AFF1: variants seen among roughly 807,000 people sequenced by gnomAD.
AFF1 encodes the protein AF4/FMR2 family member 1.
A neutral mutation model predicts 121.7 loss-of-function variants in AFF1; 48 were observed. That is an observed-to-expected ratio of 0.39 (90% CI 0.31 to 0.50). The LOEUF (loss-of-function observed/expected upper bound fraction) is 0.50, where lower values mean the gene tolerates loss of function less well. Among genes scored for constraint, AFF1 ranks in the 20% least tolerant of loss-of-function variants. The pLI, the probability that AFF1 is intolerant of heterozygous loss-of-function variation, is 0.76. For missense variants in AFF1, 1,523 were observed against 1,511.7 expected (o/e 1.01, Z -0.12); for synonymous variants, 613 against 563.0 (o/e 1.09, Z -1.26).
At chr4:87,079,138 C>G (rs1325226572) in intron 4 of AFF1, among the ~76,000 whole-genome samples, 1 of 148,642 alleles carries the variant, frequency 6.7e-6, no homozygotes, top group Non-Finnish European at 1.5e-5. Flanking sequence ...TGCCTTTGTG[C>G]TCTCTCTATT....
At chr4:87,030,744 C>G (rs1728993046) in intron 2 of AFF1, among the ~76,000 whole-genome samples, 1 of 151,482 alleles carries the variant, frequency 6.6e-6, no homozygotes, top group Non-Finnish European at 1.5e-5. Context: ...AGTGTAAAAT[C>G]ATTTGAATTA....
At chr4:87,096,294 T>G (rs1002247322) in intron 8 of AFF1, among the ~76,000 whole-genome samples, 4 of 136,254 alleles carry the variant, frequency 2.9e-5, no homozygotes, top group African/African-American at 1.1e-4. Flanking sequence ...CCTTTTGTTA[T>G]TCCCTTTTTT....
At chr4:86,973,580 T>A (rs1457349892) in intron 2 of AFF1, among the ~76,000 whole-genome samples, 1 of 152,180 alleles carries the variant, frequency 6.6e-6, no homozygotes, top group Non-Finnish European at 1.5e-5. Context: ...TCTTTTTCCT[T>A]ATTTATTTCT....
rs1296037814 is a variant in AFF1 at position 87,046,944 on chromosome 4, A to G, written c.409A>G (p.Ser137Gly). 1 of 1,614,204 alleles carries G rather than the reference A, an allele frequency of 6.2e-7. No homozygotes were observed. The highest frequency in any genetic ancestry group is 2.2e-5 in the East Asian group (1 of 44,880). ...TGGACCACTTTCTGTTGGCAACATT[A>G]GCCACAATCCAAAGATGGCGCAGCC... The part of the protein sequence containing the change: ...ASGPLSVGNI[S>G]HNPKMAQPRT... The change falls in exon 4 of 21, where the codon AGC (serine) becomes GGC (glycine). Residue 137 changes from serine to glycine, a missense_variant. By Grantham distance (56) the Ser-to-Gly change is moderately conservative (BLOSUM62 0). Coordinates refer to ENST00000395146, the MANE Select transcript of AFF1 (RefSeq NM_001166693.3).
At chr4:87,002,432 T>TG (rs1458806713) in intron 2 of AFF1, among the ~76,000 whole-genome samples, 4 of 143,186 alleles carry the variant, frequency 2.8e-5, no homozygotes, top group East Asian at 2.0e-4. Flanking sequence ...GAAGTTTTTT[T>TG]TTTTTTTTTT....
intron 2 of AFF1, among the ~76,000 whole-genome samples, chr4:87,002,748 T>A (rs1725825395): frequency 6.6e-6 from 1 of 152,066 alleles, no homozygotes; most frequent in Admixed American, 6.5e-5. Flanking sequence ...TCCTTATTTG[T>A]AGGGTAAATT....
intron 2 of AFF1, among the ~76,000 whole-genome samples, chr4:86,958,235 A>G (rs1721898756): frequency 6.6e-6 from 1 of 151,640 alleles, no homozygotes; most frequent in South Asian, 2.1e-4. Context: ...CTGAGATTAC[A>G]GGTGCACATC....
intron 4 of AFF1, among the ~76,000 whole-genome samples, chr4:87,052,379 C>G (rs1731355452): frequency 6.6e-6 from 1 of 152,132 alleles, no homozygotes; most frequent in African/African-American, 2.4e-5. Flanking sequence ...TGCCACTGAA[C>G]TCCAGCCTGA....
intron 2 of AFF1, among the ~76,000 whole-genome samples, chr4:86,991,449 A>C (rs1488758004): frequency 1.5e-4 from 4 of 26,008 alleles, no homozygotes; most frequent in Admixed American, 1.2e-3. Flanking sequence ...CATCTCCAAA[A>C]AAAAAAAAAA....
intron 11 of AFF1, among the ~76,000 whole-genome samples, chr4:87,109,384 C>G (rs1726241889): frequency 6.6e-6 from 1 of 152,168 alleles, no homozygotes; most frequent in African/African-American, 2.4e-5. Context: ...ATGTCTGGCG[C>G]AGAAAATAAG....
chr4:87,011,778 G>A (rs951785881), intron 2 of AFF1, among the ~76,000 whole-genome samples: 5 of 152,192 alleles, frequency 3.3e-5, no homozygotes, highest in Non-Finnish European at 7.3e-5. Flanking sequence ...GCCCAGTTGA[G>A]CTTCCTGACT....
At chr4:86,991,087 G>C (rs759265368) in intron 2 of AFF1, among the ~76,000 whole-genome samples, 21 of 151,648 alleles carry the variant, frequency 1.4e-4, no homozygotes, top group Non-Finnish European at 2.2e-4. Flanking sequence ...AGGAGGTGGA[G>C]GTTGCAGTGA....
chr4:87,049,698 C>T (rs1251872611), intron 4 of AFF1: 7 of 456,114 alleles, frequency 1.5e-5, no homozygotes, highest in Admixed American at 2.4e-5. Context: ...GGTCTCGGCC[C>T]GAGTTCTCAT....
rs57615388 is a variant in AFF1 at position 87,000,605 on chromosome 4, C to CTGTGTGTGTGTGTGTG, written c.39-45540_39-45525dup. 2.8e-3 allele frequency among the ~76,000 whole-genome samples: 413 copies of CTGTGTGTGTGTGTGTG among 146,478 alleles called. 3 individuals are homozygous for CTGTGTGTGTGTGTGTG. The highest frequency in any genetic ancestry group is 5.4e-3 in the African/African-American group (214 of 39,884). ...TAAAACATTTATTAAAAAATAAACT[C>CTGTGTGTGTGTGTGTG]TGTGTGTGTGTGTGTGTGTGTGTGT... On this transcript the variant is annotated intron_variant, in intron 2 of 20. Coordinates refer to ENST00000395146, the MANE Select transcript of AFF1 (RefSeq NM_001166693.3).
chr4:86,949,975 G>T (rs990575965), intron 2 of AFF1: 2 of 1,614,026 alleles, frequency 1.2e-6, no homozygotes, highest in East Asian at 2.2e-5. Flanking sequence ...AGAAGTTGCC[G>T]AGCTGGCAGA....
intron 7 of AFF1, among the ~76,000 whole-genome samples, chr4:87,092,100 A>G (rs930310678): frequency 6.6e-6 from 1 of 152,212 alleles, no homozygotes; most frequent in African/African-American, 2.4e-5. Context: ...CCTGGGCAAC[A>G]TGGTGAAACC....
At position 87,080,374 on chromosome 4, in the gene AFF1, G is replaced by A. The variant is rs78867555; in HGVS notation, c.1060-3746G>A. On this transcript the variant is annotated intron_variant, in intron 4 of 20. Coordinates refer to ENST00000395146, the MANE Select transcript of AFF1 (RefSeq NM_001166693.3). Reference sequence around the variant, plus strand: ...TTGTCATTTTGTGTTCTTTAAGGACGTTGTACATTGAATGTCTTCAGCCTT... The same window carrying A: ...TTGTCATTTTGTGTTCTTTAAGGACATTGTACATTGAATGTCTTCAGCCTT... Among the ~76,000 whole-genome samples the A allele has an allele frequency of 4.3e-3, 649 of 152,328 alleles. 5 individuals carry two copies. The highest frequency in any genetic ancestry group is 8.0e-3 in the Non-Finnish European group (541 of 68,034).
At chr4:87,066,426 T>C (rs1270647077) in intron 4 of AFF1, among the ~76,000 whole-genome samples, 1 of 152,024 alleles carries the variant, frequency 6.6e-6, no homozygotes, top group Non-Finnish European at 1.5e-5. Context: ...TCCCTATAAA[T>C]ATTTAACAAT....
chr4:86,997,783 TAAGAG>T (rs1379633424), intron 2 of AFF1, among the ~76,000 whole-genome samples: 2 of 145,480 alleles, frequency 1.4e-5, no homozygotes, highest in African/African-American at 5.1e-5. Flanking sequence ...AATGCATACT[TAAGAG>T]AAAAGGATAG....
Sources: allele counts gnomAD v4.1 joint callset (sites outside exome capture counted in the v4.1 genomes callset), GRCh38; gene constraint gnomAD v4.1.1; transcripts MANE v1.5; gene names NCBI Gene and HGNC (gene_info 2026-07-23, HGNC 2026-07-21).